The following GABRA3 variants were observed in gnomAD, a reference collection of about 807,000 sequenced individuals.
GABRA3 encodes gamma-aminobutyric acid type A receptor subunit alpha3.
A neutral mutation model predicts 30.1 loss-of-function variants in GABRA3; 10 were observed. The observed-to-expected ratio is 0.33, with a 90% confidence interval of 0.20 to 0.56. The LOEUF is 0.56. Ranked by LOEUF, GABRA3 falls within the 20% of genes least tolerant of loss-of-function variation. The probability of loss-of-function intolerance (pLI) is 0.89; values close to 1 mark genes in which losing one functional copy is unlikely to be tolerated. For missense variants in GABRA3, 233 were observed against 392.0 expected, an observed-to-expected ratio of 0.59 and a Z score of 3.42; for synonymous variants, 151 against 146.8, an observed-to-expected ratio of 1.03 and a Z score of -0.21.
At chrX:152,174,349 C>T (rs1937044171) in intron 9 of GABRA3, among the ~76,000 whole-genome samples, 1 of 111,687 alleles carries the variant, frequency 9.0e-6, no homozygotes, top group South Asian at 3.8e-4. Context: ...AGTTCTAGAT[C>T]CCTGAGGAAT....
At chrX:152,191,555 G>C (rs762981574) in intron 8 of GABRA3, among the ~76,000 whole-genome samples, 1 of 108,298 alleles carries the variant, frequency 9.2e-6, no homozygotes, top group Non-Finnish European at 1.9e-5. Context: ...TCCTTAGCCT[G>C]GGTCAAGTGG....
rs201846198 is a variant in GABRA3 at position 152,168,351 on chromosome X, G to A, written c.1356C>T (p.Val452=). The A allele has an allele frequency of 2.5e-6, 3 of 1,211,800 alleles. No individual in the cohort carries two copies. The highest frequency in any genetic ancestry group is 3.4e-6 in the Non-Finnish European group (3 of 895,346). Residue 452 remains valine (V), a synonymous_variant, in exon 10 of 10, where the codon GTC becomes GTT. Coordinates refer to ENST00000370314, the MANE Select transcript of GABRA3 (RefSeq NM_000808.4). ...SPTETKTYNS[V]SKVDKISRII... ...TGCGGGAAATTTTGTCAACCTTGCTGACACTGTTGTAGGTCTTGGTCTCAG... is the reference window on the plus strand; with the variant it reads ...TGCGGGAAATTTTGTCAACCTTGCTAACACTGTTGTAGGTCTTGGTCTCAG...
At chrX:152,212,433 C>A (rs1445031957) in intron 6 of GABRA3, among the ~76,000 whole-genome samples, 2 of 107,652 alleles carry the variant, frequency 1.9e-5, no homozygotes, top group Non-Finnish European at 3.8e-5. Context: ...AAAGTGGGAA[C>A]CTCTGTTGGA....
chrX:152,425,875 A>C (rs6627588), intron 1 of GABRA3, among the ~76,000 whole-genome samples: 57,559 of 109,288 alleles, frequency 0.53, 13,208 homozygotes, highest in Non-Finnish European at 0.72. Context: ...ACTCTTCCTC[A>C]TCTCAATTTG....
intron 1 of GABRA3, among the ~76,000 whole-genome samples, chrX:152,377,783 G>C (rs756459251): frequency 9.0e-6 from 1 of 111,674 alleles, no homozygotes; most frequent in Non-Finnish European, 1.9e-5. Context: ...TTCAAGTGGT[G>C]TGGAGTCTGA....
intron 1 of GABRA3, among the ~76,000 whole-genome samples, chrX:152,375,052 A>G (rs1281400131): frequency 9.0e-6 from 1 of 111,615 alleles, no homozygotes; most frequent in Non-Finnish European, 1.9e-5. Flanking sequence ...CAATACCATG[A>G]AAATGGCCAT....
chrX:152,297,857 A>G (rs1240014856), intron 3 of GABRA3, among the ~76,000 whole-genome samples: 2 of 112,409 alleles, frequency 1.8e-5, no homozygotes, highest in African/African-American at 3.2e-5. Flanking sequence ...TCCTCGCTGC[A>G]AATAGAGTTC....
At chrX:152,291,781 C>T (rs752523487) in intron 3 of GABRA3, among the ~76,000 whole-genome samples, 14 of 111,476 alleles carry the variant, frequency 1.3e-4, no homozygotes, top group East Asian at 2.8e-4. Context: ...ATGTGGTTTT[C>T]GTCTTTGGTT....
At chrX:152,392,366 CAA>C (rs978827484) in intron 1 of GABRA3, 4 of 355,793 alleles carry the variant, frequency 1.1e-5, no homozygotes, top group Non-Finnish European at 2.3e-5. Context: ...AAGAAGGAGG[CAA>C]ACACACTGTA....
At chrX:152,173,203 A>C (rs1346362106) in intron 9 of GABRA3, among the ~76,000 whole-genome samples, 1 of 110,157 alleles carries the variant, frequency 9.1e-6, no homozygotes, top group Non-Finnish European at 1.9e-5. Context: ...CAGATGGAAG[A>C]AAAATAATCA....
At chrX:152,433,585 A>G (rs1930701475) in intron 1 of GABRA3, among the ~76,000 whole-genome samples, 2 of 109,465 alleles carry the variant, frequency 1.8e-5, no homozygotes, top group Admixed American at 9.8e-5. Context: ...GAAAAACTCA[A>G]TGGTTTAAAA....
intron 1 of GABRA3, among the ~76,000 whole-genome samples, chrX:152,431,243 C>A (rs1332116558): frequency 9.0e-6 from 1 of 111,525 alleles, no homozygotes. Context: ...GATGGAGATT[C>A]CAGGATGATA....
intron 5 of GABRA3, among the ~76,000 whole-genome samples, chrX:152,235,565 T>A (rs1115191): frequency 0.27 from 30,111 of 110,251 alleles, 3,511 homozygotes; most frequent in African/African-American, 0.43. Flanking sequence ...ACGGGAAAAA[T>A]TCAGTAACAT....
intron 1 of GABRA3, among the ~76,000 whole-genome samples, chrX:152,424,928 CTTTT>C (rs747255822): frequency 2.4e-5 from 1 of 42,359 alleles, no homozygotes; most frequent in African/African-American, 1.2e-4. Flanking sequence ...TTTTTCTTTT[CTTTT>C]TTTTTTTTTT....
chrX:152,211,622 GT>G (rs1937629542), intron 6 of GABRA3, among the ~76,000 whole-genome samples: 1 of 111,889 alleles, frequency 8.9e-6, no homozygotes, highest in Admixed American at 9.5e-5. Context: ...GGTAAACAAA[GT>G]CTGTGAAGGC....
chrX:152,273,914 GATAA>G (rs1387519622), intron 4 of GABRA3, among the ~76,000 whole-genome samples: 3 of 111,508 alleles, frequency 2.7e-5, no homozygotes, highest in Admixed American at 9.5e-5. Flanking sequence ...AAGTAAAATA[GATAA>G]ATAAATATTA....
intron 1 of GABRA3, chrX:152,393,470 C>G (rs756155944): frequency 2.6e-6 from 1 of 380,536 alleles, no homozygotes; most frequent in Non-Finnish European, 5.2e-6. Flanking sequence ...TATGAGCAGA[C>G]AAGCATGCTG....
At chrX:152,369,783 G>T (rs989831866) in intron 1 of GABRA3, among the ~76,000 whole-genome samples, 39 of 110,348 alleles carry the variant, frequency 3.5e-4, no homozygotes, top group African/African-American at 1.3e-3. Context: ...GCTCAATGGG[G>T]ATGAGGATTT....
chrX:152,206,399 C>G (rs377130876), intron 7 of GABRA3, among the ~76,000 whole-genome samples: 19 of 111,976 alleles, frequency 1.7e-4, no homozygotes, highest in African/African-American at 5.2e-4. Context: ...GTAAGGGGTC[C>G]AGTGGAGACG....
Sources: gnomAD v4.1 joint callset for allele counts (sites outside exome capture counted in the v4.1 genomes callset) on GRCh38, gnomAD v4.1.1 for gene constraint, MANE v1.5 for transcripts, NCBI Gene and HGNC (gene_info 2026-07-23, HGNC 2026-07-21) for gene names.